Variants in KCNH2 observed in about 807,000 individuals in gnomAD.
KCNH2 encodes the protein voltage-gated inwardly rectifying potassium channel KCNH2.
Under a neutral mutation model 95.9 loss-of-function variants are expected in KCNH2, and 35 were observed. The observed-to-expected ratio is 0.37, with a 90% CI of 0.28 to 0.48. KCNH2 has a LOEUF of 0.48. Among genes scored for constraint, KCNH2 ranks in the 20% least tolerant of loss-of-function variants. KCNH2 has a pLI of 0.99. For synonymous variants in KCNH2, 786 were observed against 754.7 expected (o/e 1.04, Z -0.68); for missense variants, 1,274 against 1,702.9 (o/e 0.75, Z 4.43).
At chr7:150,947,173 C>A in intron 13 of KCNH2, 119 bp from the exon 14 acceptor site, 1 of 1,124,322 alleles carries the variant, frequency 8.9e-7, no homozygotes, top group South Asian at 1.5e-5. Flanking sequence ...GCCCTCCGCG[C>A]TAGAGGTGTG....
intron 2 of KCNH2, among the ~76,000 whole-genome samples, chr7:150,966,381 T>TCCCCG (rs1801703418): frequency 2.7e-5 from 1 of 36,928 alleles, no homozygotes; most frequent in Non-Finnish European, 4.8e-5. Flanking sequence ...ATTTGCCCCC[T>TCCCCG]CCCCCCCCCC....
chr7:150,978,062 C>T lies in KCNH2; in HGVS notation c.-149G>A. 3.9e-6 allele frequency: 1 copy of T among 255,190 alleles called. No individual in the cohort carries two copies. The highest frequency in any genetic ancestry group is 7.2e-6 in the Non-Finnish European group (1 of 137,938). 15.8% of individuals were successfully genotyped at this position (255,190 alleles called of 1,614,324 possible). A position where few individuals can be genotyped will look rare whatever the true frequency, so the allele number is the denominator to read the frequency against. ...CGCGGCCAAGACTGGACTGCGGGCGCCGGGTCCTCGCTCGGCTCCCGGCTC... is the reference window on the plus strand; with the variant it reads ...CGCGGCCAAGACTGGACTGCGGGCGTCGGGTCCTCGCTCGGCTCCCGGCTC... On this transcript the variant is annotated 5_prime_UTR_variant, in exon 1 of 15. Coordinates refer to ENST00000262186, the MANE Select transcript of KCNH2 (RefSeq NM_000238.4).
In KCNH2 at chr7:150,960,986, G is replaced by A. The variant is rs546000993; in HGVS notation, c.308-1250C>T. On this transcript the variant is annotated intron_variant, in intron 2 of 14. Transcript: ENST00000262186. ...CAGGAAGTCCTTAATGAAACCAGAAGGCAGTTAACAGCCCGCTCCAGCTCC... is the reference window on the plus strand; with the variant it reads ...CAGGAAGTCCTTAATGAAACCAGAAAGCAGTTAACAGCCCGCTCCAGCTCC... 2.0e-5 allele frequency among the ~76,000 whole-genome samples: 3 copies of A among 151,886 alleles called. No individual in the cohort carries two copies. In the East Asian group the frequency reaches 5.8e-4, roughly 30 times the overall value.
intron 2 of KCNH2, 55 bp downstream of exon 2, chr7:150,974,656 T>C: frequency 9.8e-7 from 1 of 1,016,256 alleles, no homozygotes; most frequent in South Asian, 1.6e-5. Context: ...CTCGCCGTGG[T>C]CCCGCCCCTC....
intron 9 of KCNH2, chr7:150,949,292 C>A: frequency 7.2e-7 from 1 of 1,386,934 alleles, no homozygotes; most frequent in East Asian, 2.7e-5. Flanking sequence ...TGAGACCCAG[C>A]CAGCAGGACT....
intron 1 of KCNH2, among the ~76,000 whole-genome samples, chr7:150,977,274 G>A (rs116423636): frequency 0.015 from 2,340 of 152,230 alleles, 46 homozygotes; most frequent in African/African-American, 0.048. Context: ...CCTTGTCAAA[G>A]ACACCTCCCC....
In KCNH2 at chr7:150,947,295, G is replaced by T. The variant is rs1431270581; in HGVS notation, c.3152+33C>A. On this transcript the variant is annotated intron_variant, in intron 13 of 14. Transcript: ENST00000262186. ...GCCAGGACCTGGACCAGACTCCAGG[G>T]CGTGCCCCCCCACCCCACCTGCACT... 9.9e-6 allele frequency: 15 copies of T among 1,513,450 alleles called. No homozygotes were observed. In the Admixed American group the frequency reaches 2.4e-4, roughly 24 times the overall value. 93.8% of individuals were successfully genotyped at this position (1,513,450 alleles called of 1,614,324 possible).
At chr7:150,953,326 C>T (rs565882370) in intron 5 of KCNH2, among the ~76,000 whole-genome samples, 4 of 152,300 alleles carry the variant, frequency 2.6e-5, no homozygotes, top group East Asian at 1.9e-4. Flanking sequence ...TCTTACCAGC[C>T]CCTCTTCATG....
Position 150,947,348 on chromosome 7 carries a change from G to A in KCNH2, c.3132C>T (p.Ala1044=), listed in dbSNP as rs577778837. ...CTCACCTGTTGAGCTGGCGCTGGAG[G>A]GCATCCAGCCTGCTCTCCACGTCGC... is the stretch of plus-strand genomic sequence containing the variant. The part of the protein sequence containing the change: ...PRGDVESRLD[A]LQRQLNRLET... Residue 1044 remains alanine, a synonymous_variant, in exon 13 of 15, where the codon GCC becomes GCT. Coordinates refer to ENST00000262186, the MANE Select transcript of KCNH2 (RefSeq NM_000238.4). 3 of 1,544,340 alleles carry A rather than the reference G, an allele frequency of 1.9e-6. No homozygotes were observed. The African/African-American group carries it at 4.1e-5, about 21-fold the overall frequency.
At position 150,947,623 on chromosome 7, in the gene KCNH2, G is replaced by A. The variant is rs149955375; in HGVS notation, c.2948C>T (p.Thr983Ile). The A allele has an allele frequency of 1.1e-4, 177 of 1,612,814 alleles. No homozygotes were observed. The highest frequency in any genetic ancestry group is 1.3e-4 in the African/African-American group (10 of 75,034). The stretch of plus-strand genomic sequence containing the variant: ...CGGGATACCTGACAGGGGGTTGCAA[G>A]TGTCGCTGCTCTTCTCGCAGTCCTC... ...LMEDCEKSSD[T>I]CNPLSGAFSG... The change falls in exon 12 of 15, where the codon ACT (threonine) becomes ATT (isoleucine). Residue 983 changes from threonine to isoleucine, a missense_variant. This residue lies in a region of KCNH2 where 457 missense variants were observed against 416.1 expected (regional missense o/e 1.10). Transcript: ENST00000262186.
rs794728468 is a variant in KCNH2, at chr7:150,947,376, C to CG, written c.3103dup (p.Arg1035ProfsTer84). 2 of 1,536,498 alleles carry CG rather than the reference C, an allele frequency of 1.3e-6. No homozygotes were observed. Among genetic ancestry groups the CG allele is most frequent in the Non-Finnish European group, 1.7e-6 (2 of 1,142,926 alleles). ...ATCCAGCCTGCTCTCCACGTCGCCCCGGGGCCGCCGACCCGGGCTGGAGAG... is the reference window on the plus strand; with the variant it reads ...ATCCAGCCTGCTCTCCACGTCGCCCCGGGGGCCGCCGACCCGGGCTGGAGAG... On this transcript the variant is annotated frameshift_variant, in exon 13 of 15. Transcript: ENST00000262186. LOFTEE classifies it high-confidence loss of function.
intron 1 of KCNH2, among the ~76,000 whole-genome samples, chr7:150,976,694 T>G (rs1438096280): frequency 2.0e-5 from 3 of 151,876 alleles, no homozygotes; most frequent in African/African-American, 7.3e-5. Flanking sequence ...CAAGGTCACA[T>G]GGCAGTCAGT....
Position 150,977,916 on chromosome 7 carries a change from T to G in KCNH2, c.-3A>C. The G allele has an allele frequency of 1.3e-6, 2 of 1,592,554 alleles. No homozygotes were observed. Among genetic ancestry groups the G allele is most frequent in the Non-Finnish European group, 1.7e-6 (2 of 1,170,492 alleles). The stretch of plus-strand genomic sequence containing the variant: ...ACGTGGCCCCTCCGCACCGGCATCC[T>G]GAGCCCATGGGCGGGCCGGGCGGGC... On this transcript the variant is annotated 5_prime_UTR_variant, in exon 1 of 15. Coordinates refer to ENST00000262186, the MANE Select transcript of KCNH2 (RefSeq NM_000238.4).
At chr7:150,955,671 A>G (rs1801346313) in intron 5 of KCNH2, 1 of 1,397,474 alleles carries the variant, frequency 7.2e-7, no homozygotes, top group Admixed American at 3.0e-5. Flanking sequence ...GCTGGGCCCC[A>G]GGGCTGGGGT....
Position 150,948,495 on chromosome 7 carries a change from A to C in KCNH2, c.2641T>G (p.Phe881Val). The C allele has an allele frequency of 6.2e-7, 1 of 1,613,318 alleles. No individual in the cohort carries two copies. The highest frequency in any genetic ancestry group is 8.5e-7 in the Non-Finnish European group (1 of 1,179,960). ...SPGSTELEGG[F>V]SRQRKRKLSF... ...AACTTGCGCTTGCGTTGCCGACTGAAGCCACCCTCTAACTCCGTACTGCCG... is the reference window on the plus strand; with the variant it reads ...AACTTGCGCTTGCGTTGCCGACTGACGCCACCCTCTAACTCCGTACTGCCG... The change falls in exon 11 of 15, where the codon TTC (phenylalanine) becomes GTC (valine). Residue 881 changes from phenylalanine to valine, a missense_variant. Physicochemically the swap from Phe to Val is conservative, Grantham distance 50. Coordinates refer to ENST00000262186, the MANE Select transcript of KCNH2 (RefSeq NM_000238.4).
In KCNH2 at chr7:150,959,082, C is replaced by T. The variant is rs570331465; in HGVS notation, c.472+490G>A. ...AAGGGGATGGTCCAGCCCAGGTGGG[C>T]ATTCCCTCAAAGCCTCTCCTCAGCT... On this transcript the variant is annotated intron_variant, in intron 3 of 14. Coordinates refer to ENST00000262186, the MANE Select transcript of KCNH2 (RefSeq NM_000238.4). Among the ~76,000 whole-genome samples the T allele has an allele frequency of 2.0e-5, 3 of 152,336 alleles. No individual in the cohort carries two copies. In the South Asian group the frequency reaches 6.2e-4, roughly 32 times the overall value.
At chr7:150,966,961 C>A (rs1416259279) in intron 2 of KCNH2, among the ~76,000 whole-genome samples, 1 of 152,100 alleles carries the variant, frequency 6.6e-6, no homozygotes, top group Non-Finnish European at 1.5e-5. Context: ...TCCAAGAATT[C>A]AATAAACTTT....
chr7:150,960,602 G>A (rs1387262535), intron 2 of KCNH2, among the ~76,000 whole-genome samples: 1 of 152,188 alleles, frequency 6.6e-6, no homozygotes, highest in East Asian at 1.9e-4. Context: ...CCACGCATGT[G>A]CTCTTGTATT....
In KCNH2 at chr7:150,955,496, G is replaced by A. The variant is rs1801338754; in HGVS notation, c.1128+1795C>T. On this transcript the variant is annotated intron_variant, in intron 5 of 14. Transcript: ENST00000262186. ...TGTCCTGCTCGCCTTCCCGGCTGGG[G>A]CCGCCATGGAGGACTTGGCTCCCTG... 3 of 1,547,656 alleles carry A rather than the reference G, an allele frequency of 1.9e-6. 1 individual carries two copies.
Sources: gnomAD v4.1 joint callset for allele counts (sites outside exome capture counted in the v4.1 genomes callset) on GRCh38, gnomAD v4.1.1 for gene constraint, gnomAD v4.1.1 regional missense constraint, MANE v1.5 for transcripts, NCBI Gene and HGNC (gene_info 2026-07-23, HGNC 2026-07-21) for gene names.